INO80: variants seen among roughly 807,000 people sequenced by gnomAD.
INO80 encodes INO80 complex ATPase subunit.
Under a neutral mutation model 203.4 loss-of-function variants are expected in INO80, and 20 were observed. The observed-to-expected ratio is 0.10, with a 90% CI of 0.07 to 0.14. The LOEUF is 0.14. Among genes scored for constraint, INO80 ranks in the 10% least tolerant of loss-of-function variants. The probability of loss-of-function intolerance (pLI) is 1.00; values close to 1 mark genes in which losing one functional copy is unlikely to be tolerated. For missense variants in INO80, 1,419 were observed against 1,914.4 expected, an observed-to-expected ratio of 0.74 and a Z score of 4.83; for synonymous variants, 726 against 685.2, an observed-to-expected ratio of 1.06 and a Z score of -0.93.
intron 18 of INO80, among the ~76,000 whole-genome samples, chr15:41,054,868 C>G (rs2044954695): frequency 6.6e-6 from 1 of 152,122 alleles, no homozygotes; most frequent in African/African-American, 2.4e-5. Flanking sequence ...GAACTCCTGA[C>G]CTAACGTGAT....
At position 40,980,131 on chromosome 15, in the gene INO80, A is replaced by G; in HGVS notation, c.*92T>C. 2 of 992,054 alleles carry G rather than the reference A, an allele frequency of 2.0e-6. No individual in the cohort carries two copies. Among genetic ancestry groups the G allele is most frequent in the Non-Finnish European group, 3.1e-6 (2 of 637,580 alleles). 61.5% of individuals were successfully genotyped at this position (992,054 alleles called of 1,614,324 possible). A position where few individuals can be genotyped will look rare whatever the true frequency, so the allele number is the denominator to read the frequency against. On this transcript the variant is annotated 3_prime_UTR_variant, in exon 36 of 36. Transcript: ENST00000648947. ...CATTTCCACTTCTGACTCAGGATGC[A>G]AGATGCTGCACGGGGCAAGCCATCC...
chr15:41,085,647 G>T, intron 6 of INO80, 64 bp from the exon 7 acceptor site: 3 of 1,280,564 alleles, frequency 2.3e-6, no homozygotes, highest in South Asian at 1.2e-5. Context: ...GCAACCTCAT[G>T]ACTTAAAACA....
intron 25 of INO80, among the ~76,000 whole-genome samples, chr15:41,021,688 A>T (rs192876959): frequency 2.6e-5 from 4 of 152,336 alleles, no homozygotes; most frequent in Admixed American, 2.6e-4. Flanking sequence ...TTCAGGCCAT[A>T]AACTGGGGAA....
At chr15:41,025,161 T>G (rs1199631848) in intron 25 of INO80, among the ~76,000 whole-genome samples, 2 of 152,132 alleles carry the variant, frequency 1.3e-5, no homozygotes, top group Non-Finnish European at 2.9e-5. Context: ...TCACAGCAAT[T>G]AGAGTTTTCC....
Position 40,988,000 on chromosome 15 carries a change from A to G in INO80, c.3571-26T>C, listed in dbSNP as rs202231599. 21 of 1,593,744 alleles carry G rather than the reference A, an allele frequency of 1.3e-5. No individual in the cohort carries two copies. The East Asian group carries it at 3.6e-4, about 27-fold the overall frequency. On this transcript the variant is annotated intron_variant, in intron 29 of 35. Transcript: ENST00000648947. Reference sequence around the variant, plus strand: ...CTGCATAGAATATAGCAAAAACTGAAGCACTCTTAGGGAAGGACCAGAAAT... The same window carrying G: ...CTGCATAGAATATAGCAAAAACTGAGGCACTCTTAGGGAAGGACCAGAAAT...
intron 15 of INO80, among the ~76,000 whole-genome samples, chr15:41,059,563 G>C (rs2045064015): frequency 6.6e-6 from 1 of 150,752 alleles, no homozygotes; most frequent in Admixed American, 6.6e-5. Flanking sequence ...GCTGAGGTGG[G>C]AGGATTGCTT....
In INO80 at chr15:41,107,871, G is replaced by T. The variant is rs143157244; in HGVS notation, c.-44+8102C>A. Among the ~76,000 whole-genome samples, 38 of 152,074 alleles carry T rather than the reference G, an allele frequency of 2.5e-4. No homozygotes were observed. In the East Asian group the frequency reaches 7.4e-3, roughly 30 times the overall value. On this transcript the variant is annotated intron_variant, in intron 1 of 35. Coordinates refer to ENST00000648947, the MANE Select transcript of INO80 (RefSeq NM_017553.3). ...AATGCCAGCACTTTGGGAGGCCAAG[G>T]AGGGTGGATCACGAGGTCAGAAGTT...
chr15:41,004,053 T>C (rs919514743), intron 28 of INO80, among the ~76,000 whole-genome samples: 6 of 152,224 alleles, frequency 3.9e-5, no homozygotes, highest in African/African-American at 1.4e-4. Flanking sequence ...TAATTTTTTT[T>C]CCTCTTTTTG....
rs543651841 is a variant in INO80, at chr15:41,110,510, C to A, written c.-44+5463G>T. On this transcript the variant is annotated intron_variant, in intron 1 of 35. Transcript: ENST00000648947. ...CTGGAGTGCAGTGGCAGGATCACAG[C>A]GCACTATAGCCTTGACCTGCTGAGC... Among the ~76,000 whole-genome samples the A allele has an allele frequency of 2.0e-5, 3 of 152,232 alleles. No individual in the cohort carries two copies. In the South Asian group the frequency reaches 6.2e-4, roughly 32 times the overall value.
At chr15:41,097,022 C>T (rs1417348750) in intron 1 of INO80, among the ~76,000 whole-genome samples, 1 of 150,486 alleles carries the variant, frequency 6.6e-6, no homozygotes, top group African/African-American at 2.5e-5. Context: ...AGGGTCAGAA[C>T]ATCTTCACTA....
At chr15:41,099,375 A>T (rs1446281964) in intron 1 of INO80, among the ~76,000 whole-genome samples, 1 of 151,974 alleles carries the variant, frequency 6.6e-6, no homozygotes, top group Non-Finnish European at 1.5e-5. Flanking sequence ...CAATTCTGTA[A>T]ATCTACCAAA....
chr15:41,108,686 T>C (rs567947892), intron 1 of INO80, among the ~76,000 whole-genome samples: 1 of 150,140 alleles, frequency 6.7e-6, no homozygotes, highest in South Asian at 2.1e-4. Context: ...CACTGTAAAA[T>C]GGGGGTTCAA....
chr15:40,982,850 G>C lies in INO80; in HGVS notation c.4453+12C>G, dbSNP rs762487280. ...CCAGAACAAAGTCTGCAGCCACCCT[G>C]GGCTTCTGTACCTTTAGACACGTTG... On this transcript the variant is annotated intron_variant, in intron 35 of 35. Coordinates refer to ENST00000648947, the MANE Select transcript of INO80 (RefSeq NM_017553.3). 2.5e-6 allele frequency: 4 copies of C among 1,602,190 alleles called. No homozygotes were observed. The highest frequency in any genetic ancestry group is 2.6e-6 in the Non-Finnish European group (3 of 1,171,558).
At position 40,987,897 on chromosome 15, in the gene INO80, T is replaced by C. The variant is rs774693316; in HGVS notation, c.3648A>G (p.Thr1216=). 3 of 1,613,964 alleles carry C rather than the reference T, an allele frequency of 1.9e-6. No homozygotes were observed. The East Asian group carries it at 6.7e-5, about 36-fold the overall frequency. ...TGAGCCGGTACACAGTAACCTGCTT[T>C]GTCTGCCCTAAGCGGTGGGCCCTGT... ...AMDRAHRLGQ[T]KQVTVYRLIC... is the part of the protein sequence containing the mutation. Residue 1216 remains threonine (T), a synonymous_variant, in exon 30 of 36, where the codon ACA becomes ACG. Coordinates refer to ENST00000648947, the MANE Select transcript of INO80 (RefSeq NM_017553.3).
chr15:40,984,106 G>A, intron 33 of INO80, 91 bp downstream of exon 33: 5 of 1,440,546 alleles, frequency 3.5e-6, no homozygotes, highest in Non-Finnish European at 2.9e-6. Context: ...GAGAACTCCA[G>A]GAGAAGCAAA....
chr15:41,037,873 G>A lies in INO80; in HGVS notation c.2907+7031C>T, dbSNP rs137990085. Among the ~76,000 whole-genome samples, 45 of 151,796 alleles carry A rather than the reference G, an allele frequency of 3.0e-4. No individual in the cohort carries two copies. The East Asian group carries it at 8.5e-3, about 29-fold the overall frequency. ...CAGGAGAATCACTTGAACCCGGGAC[G>A]CAGAGGTTGCAGTGAGCCAAGATTG... is the stretch of plus-strand genomic sequence containing the variant. On this transcript the variant is annotated intron_variant, in intron 24 of 35. Transcript: ENST00000648947.
chr15:40,996,270 C>A (rs931953039), intron 29 of INO80, among the ~76,000 whole-genome samples: 1 of 152,160 alleles, frequency 6.6e-6, no homozygotes, highest in African/African-American at 2.4e-5. Context: ...CTCAAAGTTA[C>A]TAAAATTCTT....
intron 19 of INO80, 110 bp downstream of exon 19, chr15:41,053,819 C>T (rs895223489): frequency 3.6e-5 from 25 of 694,634 alleles, no homozygotes; most frequent in South Asian, 4.8e-5. Context: ...CAAGTTTAAA[C>T]GTCTTCCTTC....
At chr15:41,080,555 T>C (rs995275261) in intron 8 of INO80, among the ~76,000 whole-genome samples, 1 of 152,178 alleles carries the variant, frequency 6.6e-6, no homozygotes, top group African/African-American at 2.4e-5. Context: ...AGAACAATTT[T>C]ATTTAATAAA....
Sources: gnomAD v4.1 joint callset for allele counts (sites outside exome capture counted in the v4.1 genomes callset) on GRCh38, gnomAD v4.1.1 for gene constraint, MANE v1.5 for transcripts, NCBI Gene and HGNC (gene_info 2026-07-23, HGNC 2026-07-21) for gene names.